ARHGEF11: variants seen among roughly 807,000 people sequenced by gnomAD.
ARHGEF11 encodes Rho guanine nucleotide exchange factor 11.
A neutral mutation model predicts 193.7 loss-of-function variants in ARHGEF11; 55 were observed. The ratio of observed to expected loss-of-function variants is 0.28; its 90% CI spans 0.23 to 0.36. ARHGEF11 has a LOEUF of 0.36. Among genes scored for constraint, ARHGEF11 ranks in the 10% least tolerant of loss-of-function variants. ARHGEF11 has a pLI of 1.00. For missense variants in ARHGEF11, 1,723 were observed against 2,005.6 expected (o/e 0.86, Z 2.69); for synonymous variants, 693 against 768.0 (o/e 0.90, Z 1.62).
At position 156,939,843 on chromosome 1, in the gene ARHGEF11, G is replaced by A. The variant is rs1429610800; in HGVS notation, c.3801C>T (p.Ala1267=). The change falls in exon 37 of 41, where the codon GCC becomes GCT. Residue 1267 remains alanine (A), a synonymous_variant. Coordinates refer to ENST00000368194, the MANE Select transcript of ARHGEF11 (RefSeq NM_198236.3). ...LPGHTMETQA[A]QEPEDDLTPT... ...GTGTCAGGTCGTCCTCGGGCTCCTG[G>A]GCAGCCTGAGTTTCCATGGTGTGAC... The A allele has an allele frequency of 6.2e-7, 1 of 1,612,428 alleles. No individual in the cohort carries two copies. Among genetic ancestry groups the A allele is most frequent in the Non-Finnish European group, 8.5e-7 (1 of 1,179,950 alleles).
At chr1:156,990,902 G>A (rs935489197) in intron 1 of ARHGEF11, among the ~76,000 whole-genome samples, 4 of 152,136 alleles carry the variant, frequency 2.6e-5, no homozygotes, top group African/African-American at 9.7e-5. Context: ...CTTTTAGCAG[G>A]AAATGCATTT....
intron 1 of ARHGEF11, among the ~76,000 whole-genome samples, chr1:157,007,350 G>C (rs1020268694): frequency 6.6e-6 from 1 of 152,142 alleles, no homozygotes; most frequent in South Asian, 2.1e-4. Flanking sequence ...ATTGAAAAGG[G>C]GAGAAAGGGC....
At chr1:157,044,121 G>C (rs1673091996) in intron 1 of ARHGEF11, among the ~76,000 whole-genome samples, 178 bp downstream of exon 1, 1 of 152,154 alleles carries the variant, frequency 6.6e-6, no homozygotes, top group Non-Finnish European at 1.5e-5. Context: ...TGAATCAAGA[G>C]CTATGTTTTT....
At chr1:156,974,204 A>G (rs1188576780) in intron 7 of ARHGEF11, among the ~76,000 whole-genome samples, 3 of 152,046 alleles carry the variant, frequency 2.0e-5, no homozygotes, top group African/African-American at 7.2e-5. Context: ...AGTAGCTAGG[A>G]CTGCAGGCAT....
chr1:156,962,487 T>C (rs898133574), intron 13 of ARHGEF11, among the ~76,000 whole-genome samples: 7 of 152,130 alleles, frequency 4.6e-5, no homozygotes, highest in Admixed American at 2.6e-4. Context: ...TGTCATCACC[T>C]TCACACGGAA....
At position 156,963,605 on chromosome 1, in the gene ARHGEF11, G is replaced by C. The variant is rs371007612; in HGVS notation, c.964-11C>G. 1.2e-6 allele frequency: 2 copies of C among 1,612,284 alleles called. No homozygotes were observed. The highest frequency in any genetic ancestry group is 1.7e-6 in the Non-Finnish European group (2 of 1,179,400). Reference sequence around the variant, plus strand: ...GCTTTGATCTACACCCTGGGGGAGAGAGTCAAATTGCAGAGATGAGAGGTT... The same window carrying C: ...GCTTTGATCTACACCCTGGGGGAGACAGTCAAATTGCAGAGATGAGAGGTT... On this transcript the variant is annotated splice_polypyrimidine_tract_variant and intron_variant, in intron 11 of 40. Transcript: ENST00000368194.
At position 156,935,707 on chromosome 1, in the gene ARHGEF11, G is replaced by T; in HGVS notation, c.*293C>A. On this transcript the variant is annotated 3_prime_UTR_variant, in exon 41 of 41. Transcript: ENST00000368194. ...GGCGTGCGCGTGTACACACATATGT[G>T]GGGTGAGGGCAGACCATGGTGAGTG... 1 of 410,488 alleles carries T rather than the reference G, an allele frequency of 2.4e-6. No homozygotes were observed. Among genetic ancestry groups the T allele is most frequent in the Non-Finnish European group, 4.4e-6 (1 of 228,082 alleles). 25.4% of individuals were successfully genotyped at this position (410,488 alleles called of 1,614,324 possible). A position where few individuals can be genotyped will look rare whatever the true frequency, so the allele number is the denominator to read the frequency against.
At chr1:157,013,916 C>G (rs967207170) in intron 1 of ARHGEF11, among the ~76,000 whole-genome samples, 3 of 152,202 alleles carry the variant, frequency 2.0e-5, no homozygotes, top group African/African-American at 7.2e-5. Flanking sequence ...TTTGTATCCC[C>G]AGTCCTCCCA....
At position 156,935,289 on chromosome 1, in the gene ARHGEF11, G is replaced by T. The variant is rs1453591202; in HGVS notation, c.*711C>A. The T allele has an allele frequency of 6.6e-6, 1 of 152,206 alleles. No homozygotes were observed. The highest frequency in any genetic ancestry group is 1.5e-5 in the Non-Finnish European group (1 of 68,064). 9.4% of individuals were successfully genotyped at this position (152,206 alleles called of 1,614,324 possible). A position where few individuals can be genotyped will look rare whatever the true frequency, so the allele number is the denominator to read the frequency against. On this transcript the variant is annotated 3_prime_UTR_variant, in exon 41 of 41. Coordinates refer to ENST00000368194, the MANE Select transcript of ARHGEF11 (RefSeq NM_198236.3). ...GGGAGTAGCTTGGCAGCAAGCTGTG[G>T]AGGGCAGGCTCTGGAGCCAGGTGGG...
chr1:156,995,849 G>A (rs1269319051), intron 1 of ARHGEF11, among the ~76,000 whole-genome samples: 1 of 151,814 alleles, frequency 6.6e-6, no homozygotes, highest in African/African-American at 2.4e-5. Flanking sequence ...GGCCGGTTTG[G>A]GTGCTTTTTA....
chr1:157,015,220 A>G (rs947686799), intron 1 of ARHGEF11, among the ~76,000 whole-genome samples: 21 of 152,162 alleles, frequency 1.4e-4, no homozygotes, highest in Admixed American at 1.4e-3. Flanking sequence ...ACTGCTTGAT[A>G]TAGTGGTTAA....
chr1:156,988,806 T>A (rs569234244), intron 1 of ARHGEF11, among the ~76,000 whole-genome samples: 6 of 151,554 alleles, frequency 4.0e-5, no homozygotes, highest in South Asian at 4.2e-4. Flanking sequence ...GCAAAAAAAA[T>A]TTTTTTTTCT....
chr1:157,006,595 G>T (rs1222796168), intron 1 of ARHGEF11, among the ~76,000 whole-genome samples: 6 of 152,172 alleles, frequency 3.9e-5, no homozygotes, highest in Non-Finnish European at 8.8e-5. Flanking sequence ...GTGCCCTCTG[G>T]TGCAGAAGAC....
At chr1:157,024,283 G>A (rs1341932387) in intron 1 of ARHGEF11, among the ~76,000 whole-genome samples, 1 of 152,136 alleles carries the variant, frequency 6.6e-6, no homozygotes. Context: ...TGTAGGGAGC[G>A]GGAATGAGAA....
chr1:157,033,480 C>T (rs116358150), intron 1 of ARHGEF11, among the ~76,000 whole-genome samples: 1,949 of 152,240 alleles, frequency 0.013, 38 homozygotes, highest in African/African-American at 0.044. Flanking sequence ...CTCTCTCCAC[C>T]CTTTCACTTG....
In ARHGEF11 at chr1:157,045,430, A is replaced by T. The variant is rs1673216933; in HGVS notation, c.-1100T>A. On this transcript the variant is annotated 5_prime_UTR_variant, in exon 1 of 41. Coordinates refer to ENST00000368194, the MANE Select transcript of ARHGEF11 (RefSeq NM_198236.3). ...GCCCGGCCAGAAAGACGGCTCCCTTATTATTCGTTCGGATTATTATTGTGG... is the reference window on the plus strand; with the variant it reads ...GCCCGGCCAGAAAGACGGCTCCCTTTTTATTCGTTCGGATTATTATTGTGG... 1 of 151,918 alleles carries T rather than the reference A, an allele frequency of 6.6e-6. No individual in the cohort carries two copies. The highest frequency in any genetic ancestry group is 1.5e-5 in the Non-Finnish European group (1 of 67,978). The allele number at this position is 151,918 out of a possible 1,614,324, so 9.4% of individuals were successfully genotyped here.
rs1430758705 is a variant in ARHGEF11 at position 156,936,907 on chromosome 1, T to C, written c.4539A>G (p.Arg1513=). ...GAGGTGAGAGGGAGCCATCTGTCCA[T>C]CTAGCTGCTTCTGTGTGGAAACTGC... ...PVGSFHTEAA[R]WTDGSLSPPA... is the part of the protein sequence containing the mutation. The change falls in exon 40 of 41, where the codon AGA becomes AGG. Residue 1513 remains arginine (R), a synonymous_variant. Coordinates refer to ENST00000368194, the MANE Select transcript of ARHGEF11 (RefSeq NM_198236.3). 2 of 1,614,080 alleles carry C rather than the reference T, an allele frequency of 1.2e-6. No homozygotes were observed. The highest frequency in any genetic ancestry group is 1.7e-6 in the Non-Finnish European group (2 of 1,180,004).
chr1:157,010,939 C>T (rs1361044052), intron 1 of ARHGEF11, among the ~76,000 whole-genome samples: 1 of 152,122 alleles, frequency 6.6e-6, no homozygotes, highest in African/African-American at 2.4e-5. Flanking sequence ...CAACATTCCA[C>T]AAATTGATCC....
intron 18 of ARHGEF11, among the ~76,000 whole-genome samples, chr1:156,957,064 A>G (rs1571236519): frequency 6.6e-6 from 1 of 152,272 alleles, no homozygotes; most frequent in Non-Finnish European, 1.5e-5. Context: ...TACAGAGAAA[A>G]AGAGATGGAA....
Sources: gnomAD v4.1 joint callset for allele counts (sites outside exome capture counted in the v4.1 genomes callset) on GRCh38, gnomAD v4.1.1 for gene constraint, MANE v1.5 for transcripts, NCBI Gene and HGNC (gene_info 2026-07-23, HGNC 2026-07-21) for gene names.